TBC1D5: variants seen among roughly 807,000 people sequenced by gnomAD.
TBC1D5 encodes TBC1 domain family member 5, also known as TBC1 domain family, member 5.
Under a neutral mutation model 100.3 loss-of-function variants are expected in TBC1D5, and 75 were observed. The ratio of observed to expected loss-of-function variants is 0.75; its 90% CI spans 0.62 to 0.91. TBC1D5 has a LOEUF of 0.91. Ranked by LOEUF, TBC1D5 falls within the 40% of genes least tolerant of loss-of-function variation. The probability of loss-of-function intolerance (pLI) is 0.00; values close to 1 mark genes in which losing one functional copy is unlikely to be tolerated. For missense variants in TBC1D5, 910 were observed against 942.4 expected (o/e 0.97, Z 0.45); for synonymous variants, 323 against 325.6 (o/e 0.99, Z 0.09).
chr3:17,227,782 A>G (rs1030379099), intron 17 of TBC1D5, among the ~76,000 whole-genome samples: 3 of 152,000 alleles, frequency 2.0e-5, no homozygotes, highest in Non-Finnish European at 2.9e-5. Context: ...TAATCTGTTT[A>G]GCAAACCCCC....
At chr3:17,163,396 G>A (rs2066281846) in intron 21 of TBC1D5, among the ~76,000 whole-genome samples, 1 of 152,034 alleles carries the variant, frequency 6.6e-6, no homozygotes, top group Non-Finnish European at 1.5e-5. Context: ...TTTTCAAGAG[G>A]CAGAGTTGAC....
intron 2 of TBC1D5, among the ~76,000 whole-genome samples, chr3:17,559,648 G>A (rs1165275962): frequency 6.7e-6 from 1 of 150,228 alleles, no homozygotes; most frequent in Admixed American, 6.6e-5. Context: ...GGAGTGCAAC[G>A]GCGCGATCTC....
At chr3:17,671,206 T>C (rs1372921164) in intron 1 of TBC1D5, among the ~76,000 whole-genome samples, 1 of 152,180 alleles carries the variant, frequency 6.6e-6, no homozygotes, top group Admixed American at 6.5e-5. Flanking sequence ...AAGGCAAACA[T>C]GTCAATCAAA....
intron 14 of TBC1D5, among the ~76,000 whole-genome samples, chr3:17,305,545 T>G (rs2083314063): frequency 6.6e-6 from 1 of 152,196 alleles, no homozygotes; most frequent in Non-Finnish European, 1.5e-5. Flanking sequence ...TTTGCAAAAT[T>G]AAATCTGTAG....
chr3:17,492,640 T>C (rs1441820505), intron 3 of TBC1D5, among the ~76,000 whole-genome samples: 1 of 152,158 alleles, frequency 6.6e-6, no homozygotes, highest in Non-Finnish European at 1.5e-5. Context: ...TTTACCATTT[T>C]GGCCAGGCTG....
chr3:17,456,531 A>C (rs1459791356), intron 3 of TBC1D5, among the ~76,000 whole-genome samples: 5 of 152,230 alleles, frequency 3.3e-5, no homozygotes, highest in African/African-American at 1.2e-4. Context: ...CAGAAATGGC[A>C]AACAGGCATA....
chr3:17,536,641 G>A (rs567101455), intron 2 of TBC1D5, among the ~76,000 whole-genome samples: 9 of 152,302 alleles, frequency 5.9e-5, no homozygotes, highest in East Asian at 5.8e-4. Context: ...GAGAAAGTGC[G>A]CCTGCAGTGG....
rs1468336890 is a variant in TBC1D5, at chr3:17,582,722, G to A, written c.-36+41127C>T. 2.8e-5 allele frequency among the ~76,000 whole-genome samples: 4 copies of A among 143,588 alleles called. No homozygotes were observed. The East Asian group carries it at 6.0e-4, about 21-fold the overall frequency. 94.2% of individuals were successfully genotyped at this position (143,588 alleles called of 152,430 possible). The stretch of plus-strand genomic sequence containing the variant: ...AAATACAGGCATAAATCCATTATGA[G>A]CATTAAACAAAAAGAATGGCAATTT... On this transcript the variant is annotated intron_variant, in intron 2 of 21. Transcript: ENST00000253692.
chr3:17,612,487 G>C lies in TBC1D5; in HGVS notation c.-36+11362C>G, dbSNP rs549382044. ...TACTAAAAAAATACGAAAATTAGTC[G>C]GGCATGGTGGCATGCGCCTGTAATC... On this transcript the variant is annotated intron_variant, in intron 2 of 21. Coordinates refer to ENST00000253692, the Ensembl canonical transcript of TBC1D5. 3.6e-3 allele frequency among the ~76,000 whole-genome samples: 541 copies of C among 151,654 alleles called. 1 individual carries two copies. Among genetic ancestry groups the C allele is most frequent in the Non-Finnish European group, 6.1e-3 (417 of 67,896 alleles).
intron 2 of TBC1D5, among the ~76,000 whole-genome samples, chr3:17,521,425 T>G (rs192609067): frequency 1.3e-5 from 2 of 152,344 alleles, no homozygotes; most frequent in Middle Eastern, 3.4e-3. Flanking sequence ...TTCTCTAACT[T>G]TATTGTAAGA....
chr3:17,420,012 C>T (rs2094170700), intron 4 of TBC1D5, among the ~76,000 whole-genome samples: 1 of 152,084 alleles, frequency 6.6e-6, no homozygotes, highest in South Asian at 2.1e-4. Flanking sequence ...TTGATAAATG[C>T]CTCCATTATA....
At chr3:17,637,184 A>C (rs1437736342) in intron 1 of TBC1D5, among the ~76,000 whole-genome samples, 1 of 131,766 alleles carries the variant, frequency 7.6e-6, no homozygotes, top group African/African-American at 2.9e-5. Flanking sequence ...ACCATGCCCG[A>C]CTAATTTTTT....
At chr3:17,333,266 G>T (rs550896561) in intron 13 of TBC1D5, 2 of 152,336 alleles carry the variant, frequency 1.3e-5, no homozygotes, top group African/African-American at 4.8e-5. Context: ...GAAAAAGTTA[G>T]CAGAGTGAAT....
intron 17 of TBC1D5, 52 bp from the exon 18 acceptor site, chr3:17,233,802 C>T: frequency 2.5e-6 from 3 of 1,180,696 alleles, no homozygotes; most frequent in Non-Finnish European, 3.7e-6. Flanking sequence ...AAATAATCAA[C>T]TTCACTTTTC....
chr3:17,218,471 A>T (rs2073906663), intron 17 of TBC1D5, among the ~76,000 whole-genome samples: 2 of 151,992 alleles, frequency 1.3e-5, no homozygotes, highest in South Asian at 4.1e-4. Context: ...ATTATCTTTT[A>T]TATTTGCCTA....
intron 2 of TBC1D5, among the ~76,000 whole-genome samples, chr3:17,609,591 T>G (rs904146927): frequency 6.6e-6 from 1 of 152,226 alleles, no homozygotes; most frequent in Non-Finnish European, 1.5e-5. Context: ...TTTTCTCACC[T>G]TATCTTTTTT....
intron 21 of TBC1D5, among the ~76,000 whole-genome samples, chr3:17,161,518 A>G (rs151228879): frequency 0.039 from 5,932 of 152,334 alleles, 149 homozygotes; most frequent in Non-Finnish European, 0.056. Flanking sequence ...CTGTTTGACA[A>G]GCTTCAGACA....
intron 2 of TBC1D5, among the ~76,000 whole-genome samples, chr3:17,538,999 T>C (rs1350285280): frequency 1.3e-5 from 2 of 152,050 alleles, no homozygotes; most frequent in South Asian, 2.1e-4. Flanking sequence ...CTGGCCAACA[T>C]GGTGAAATCC....
At chr3:17,276,445 C>T (rs2080024718) in intron 15 of TBC1D5, among the ~76,000 whole-genome samples, 2 of 152,156 alleles carry the variant, frequency 1.3e-5, no homozygotes, top group Admixed American at 1.3e-4. Flanking sequence ...GGATGTCAGT[C>T]TTGTAGCTGC....
Sources: gnomAD v4.1 joint callset for allele counts (sites outside exome capture counted in the v4.1 genomes callset) on GRCh38, gnomAD v4.1.1 for gene constraint, MANE v1.5 for transcripts, NCBI Gene and HGNC (gene_info 2026-07-23, HGNC 2026-07-21) for gene names.